CAMK2D: variants seen among roughly 807,000 people sequenced by gnomAD.
CAMK2D encodes calcium/calmodulin dependent protein kinase II delta, also known as calcium/calmodulin-dependent protein kinase type II subunit delta.
CAMK2D carries 37 observed loss-of-function variants against 84.0 expected under a neutral mutation model. The ratio of observed to expected loss-of-function variants is 0.44; its 90% CI spans 0.34 to 0.58. CAMK2D has a LOEUF of 0.58. Among genes scored for constraint, CAMK2D ranks in the 20% least tolerant of loss-of-function variants. The pLI, the probability that CAMK2D is intolerant of heterozygous loss-of-function variation, is 0.02. For missense variants in CAMK2D, 448 were observed against 652.5 expected (o/e 0.69, Z 3.41); for synonymous variants, 202 against 212.5 (o/e 0.95, Z 0.43).
chr4:113,515,249 G>A lies in CAMK2D; in HGVS notation c.697-58C>T, dbSNP rs1026656483. On this transcript the variant is annotated intron_variant, in intron 9 of 20. Transcript: ENST00000511664. ...AAATAGACACACTCGATCAAACAGG[G>A]AAGAGTCAACTACATGAATCATTCC... The A allele has an allele frequency of 2.4e-5, 29 of 1,227,450 alleles. No individual in the cohort carries two copies. In the Admixed American group the frequency reaches 3.6e-4, roughly 15 times the overall value. The allele number at this position is 1,227,450 out of a possible 1,614,324, so 76.0% of individuals were successfully genotyped here. A position where few individuals can be genotyped will look rare whatever the true frequency, so the allele number is the denominator to read the frequency against.
intron 4 of CAMK2D, among the ~76,000 whole-genome samples, chr4:113,588,358 T>C (rs759492387): frequency 1.3e-4 from 20 of 152,152 alleles, no homozygotes; most frequent in Non-Finnish European, 2.4e-4. Flanking sequence ...ATCATAATAA[T>C]AAAGAAAAAT....
chr4:113,492,786 TGTAGGTCACTC>T (rs2097862320), intron 16 of CAMK2D, among the ~76,000 whole-genome samples: 1 of 145,808 alleles, frequency 6.9e-6, no homozygotes, highest in Admixed American at 6.9e-5. Flanking sequence ...TAAGTTTCTT[TGTAGGTCACTC>T]AGGACTTGCT....
intron 5 of CAMK2D, among the ~76,000 whole-genome samples, chr4:113,551,759 T>C (rs1470848956): frequency 6.6e-6 from 1 of 152,232 alleles, no homozygotes; most frequent in African/African-American, 2.4e-5. Context: ...TCTCTGACTT[T>C]CACTAAAAAA....
Position 113,513,308 on chromosome 4 carries a change from A to G in CAMK2D, c.946+20T>C, listed in dbSNP as rs1458220068. ...AAAAGAAGACCAAGGGATAAGAAGC[A>G]GAGTTCCCAATGCATGTACCTGAGA... On this transcript the variant is annotated intron_variant, in intron 12 of 20. Coordinates refer to ENST00000511664, the MANE Select transcript of CAMK2D (RefSeq NM_001321571.2). The G allele has an allele frequency of 6.2e-7, 1 of 1,611,836 alleles. No individual in the cohort carries two copies. Among genetic ancestry groups the G allele is most frequent in the Admixed American group, 1.7e-5 (1 of 59,896 alleles).
chr4:113,566,236 C>G (rs897531665), intron 4 of CAMK2D, among the ~76,000 whole-genome samples: 7 of 152,184 alleles, frequency 4.6e-5, no homozygotes, highest in South Asian at 4.1e-4. Context: ...TTTTAAAAAC[C>G]ATGTATCTTC....
At chr4:113,671,976 G>C (rs1240275160) in intron 2 of CAMK2D, among the ~76,000 whole-genome samples, 1 of 151,624 alleles carries the variant, frequency 6.6e-6, no homozygotes, top group Non-Finnish European at 1.5e-5. Flanking sequence ...CTTTTCCTTA[G>C]GAAGAACCTC....
At chr4:113,688,457 A>G (rs191760573) in intron 2 of CAMK2D, among the ~76,000 whole-genome samples, 10 of 152,294 alleles carry the variant, frequency 6.6e-5, no homozygotes, top group Admixed American at 2.6e-4. Context: ...AGTAACCTTC[A>G]TCTATTTACA....
intron 2 of CAMK2D, chr4:113,754,324 T>C: frequency 1.0e-6 from 1 of 981,934 alleles, no homozygotes; most frequent in South Asian, 4.7e-5. Flanking sequence ...TCAACCTCAG[T>C]ATAAGCCCAA....
rs191450151 is a variant in CAMK2D at position 113,660,131 on chromosome 4, C to T, written c.220+1582G>A. Among the ~76,000 whole-genome samples, 26 of 152,310 alleles carry T rather than the reference C, an allele frequency of 1.7e-4. 1 individual carries two copies. The highest frequency in any genetic ancestry group is 1.6e-3 in the Admixed American group (25 of 15,304). ...TCTACATCACTGTTACCCCTTTTCT[C>T]ACTGCTTCTAGATCAGAAATACTTA... is the stretch of plus-strand genomic sequence containing the variant. On this transcript the variant is annotated intron_variant, in intron 3 of 20. Transcript: ENST00000511664.
At chr4:113,555,918 T>G (rs2154202677) in intron 4 of CAMK2D, among the ~76,000 whole-genome samples, 1 of 152,222 alleles carries the variant, frequency 6.6e-6, no homozygotes, top group East Asian at 1.9e-4. Context: ...GAGAGCTCTC[T>G]CCTCTCTTTT....
chr4:113,550,322 G>A (rs983274046), intron 5 of CAMK2D, among the ~76,000 whole-genome samples: 1 of 152,096 alleles, frequency 6.6e-6, no homozygotes, highest in Admixed American at 6.5e-5. Context: ...ACAGGTGCAT[G>A]CTGCCACACC....
intron 3 of CAMK2D, among the ~76,000 whole-genome samples, chr4:113,626,820 C>T (rs1277188105): frequency 6.6e-6 from 1 of 152,096 alleles, no homozygotes; most frequent in Non-Finnish European, 1.5e-5. Flanking sequence ...ATGTATAATT[C>T]ACAATGTTTT....
At chr4:113,604,772 T>C (rs901369827) in intron 4 of CAMK2D, among the ~76,000 whole-genome samples, 1 of 152,210 alleles carries the variant, frequency 6.6e-6, no homozygotes, top group South Asian at 2.1e-4. Flanking sequence ...CCAAATATTA[T>C]GCTGAATTTC....
At chr4:113,692,676 A>T (rs189730223) in intron 2 of CAMK2D, among the ~76,000 whole-genome samples, 1 of 152,030 alleles carries the variant, frequency 6.6e-6, no homozygotes, top group Admixed American at 6.6e-5. Context: ...TCATACATAC[A>T]TACTCATACA....
chr4:113,716,012 T>G (rs1423722293), intron 2 of CAMK2D, among the ~76,000 whole-genome samples: 1 of 152,226 alleles, frequency 6.6e-6, no homozygotes, highest in African/African-American at 2.4e-5. Context: ...GCTCCTAGTT[T>G]ATTTCAGGTA....
chr4:113,586,260 T>C (rs992000028), intron 4 of CAMK2D, among the ~76,000 whole-genome samples: 1 of 152,172 alleles, frequency 6.6e-6, no homozygotes, highest in Non-Finnish European at 1.5e-5. Flanking sequence ...ATAACACTTG[T>C]TGCTGTAAGA....
intron 2 of CAMK2D, among the ~76,000 whole-genome samples, chr4:113,739,047 G>A (rs1418209394): frequency 6.6e-6 from 1 of 152,048 alleles, no homozygotes; most frequent in South Asian, 2.1e-4. Flanking sequence ...ATAGCACTTA[G>A]AACCACAGTG....
intron 4 of CAMK2D, among the ~76,000 whole-genome samples, chr4:113,602,077 A>C (rs1184846295): frequency 6.6e-6 from 1 of 151,984 alleles, no homozygotes; most frequent in Non-Finnish European, 1.5e-5. Context: ...CAAAGGGATT[A>C]CACTATTTTA....
At chr4:113,713,577 T>C (rs2148491684) in intron 2 of CAMK2D, among the ~76,000 whole-genome samples, 1 of 149,556 alleles carries the variant, frequency 6.7e-6, no homozygotes, top group East Asian at 1.9e-4. Context: ...TGGCAGCCAG[T>C]AGCTGCCAAT....
Sources: gnomAD v4.1 joint callset for allele counts (sites outside exome capture counted in the v4.1 genomes callset) on GRCh38, gnomAD v4.1.1 for gene constraint, MANE v1.5 for transcripts, NCBI Gene and HGNC (gene_info 2026-07-23, HGNC 2026-07-21) for gene names.